Variants in MAST2 observed in about 807,000 individuals in gnomAD.
MAST2 encodes the protein microtubule-associated serine/threonine-protein kinase 2.
MAST2 carries 70 observed loss-of-function variants against 147.4 expected under a neutral mutation model. The observed-to-expected ratio is 0.47, with a 90% CI of 0.39 to 0.58. The LOEUF (loss-of-function observed/expected upper bound fraction) is 0.58, where lower values mean the gene tolerates loss of function less well. MAST2 is among the 20% of genes least tolerant of loss of function. The probability of loss-of-function intolerance (pLI) is 0.00; values close to 1 mark genes in which losing one functional copy is unlikely to be tolerated. For missense variants in MAST2, 2,080 were observed against 2,302.3 expected (o/e 0.90, Z 1.98); for synonymous variants, 869 against 896.8 (o/e 0.97, Z 0.55).
At chr1:46,000,939 T>C (rs1157463884) in intron 6 of MAST2, 25 of 1,288,644 alleles carry the variant, frequency 1.9e-5, no homozygotes, top group Non-Finnish European at 2.4e-5. Context: ...CTCACTATAA[T>C]GTGTATTTTT....
intron 4 of MAST2, among the ~76,000 whole-genome samples, chr1:45,918,680 C>T (rs915277431): frequency 6.6e-6 from 1 of 152,132 alleles, no homozygotes; most frequent in Non-Finnish European, 1.5e-5. Flanking sequence ...TCAGGTTATC[C>T]ACCCGCCTCG....
At chr1:46,000,367 A>G (rs1435035140) in intron 6 of MAST2, among the ~76,000 whole-genome samples, 1 of 152,190 alleles carries the variant, frequency 6.6e-6, no homozygotes, top group Non-Finnish European at 1.5e-5. Flanking sequence ...GAGAACCTCC[A>G]CTGGGTGGCT....
At chr1:46,026,813 A>G (rs1325404122) in intron 16 of MAST2, among the ~76,000 whole-genome samples, 1 of 152,176 alleles carries the variant, frequency 6.6e-6, no homozygotes, top group Non-Finnish European at 1.5e-5. Context: ...TGGCTTTGAC[A>G]TAAGACAGAC....
At position 46,031,842 on chromosome 1, in the gene MAST2, C is replaced by T. The variant is rs917868486; in HGVS notation, c.3187+257C>T. Among the ~76,000 whole-genome samples, 13 of 152,198 alleles carry T rather than the reference C, an allele frequency of 8.5e-5. No homozygotes were observed. The highest frequency in any genetic ancestry group is 4.4e-5 in the Non-Finnish European group (3 of 68,030). On this transcript the variant is annotated intron_variant, in intron 24 of 28. Coordinates refer to ENST00000361297, the MANE Select transcript of MAST2 (RefSeq NM_015112.3). The surrounding 1 kb of genome is among the most constrained non-coding windows in gnomAD (Gnocchi z 4.1). ...GGCTCCATCACTAACAGGCTCTTGA[C>T]CTTGAGCAAGTTGCTTAACTTCTCT...
chr1:45,884,409 G>A (rs940997707), intron 4 of MAST2, among the ~76,000 whole-genome samples: 14 of 152,164 alleles, frequency 9.2e-5, no homozygotes, highest in Admixed American at 3.9e-4. Flanking sequence ...AAAATTAGCC[G>A]GGCGTCATGG....
chr1:45,892,592 A>G (rs901446260), intron 4 of MAST2, among the ~76,000 whole-genome samples: 3 of 152,188 alleles, frequency 2.0e-5, no homozygotes, highest in African/African-American at 7.2e-5. Flanking sequence ...AAGCAATGCT[A>G]TTGGAAGCCT....
At chr1:45,947,268 GCC>G (rs1207803287) in intron 4 of MAST2, among the ~76,000 whole-genome samples, 7 of 147,714 alleles carry the variant, frequency 4.7e-5, no homozygotes, top group Admixed American at 2.7e-4. Context: ...ATTGTCTTGG[GCC>G]ACACACAGAA....
intron 1 of MAST2, among the ~76,000 whole-genome samples, chr1:45,808,674 G>A (rs1644208955): frequency 6.6e-6 from 1 of 152,054 alleles, no homozygotes; most frequent in African/African-American, 2.4e-5. Context: ...TATCTTAACT[G>A]TATTTACTCA....
intron 4 of MAST2, among the ~76,000 whole-genome samples, chr1:45,898,733 C>T (rs188446548): frequency 5.9e-5 from 9 of 152,286 alleles, no homozygotes; most frequent in Admixed American, 5.9e-4. Context: ...AGAAACAGAA[C>T]AGTTCTTTCT....
At chr1:45,931,247 T>G (rs1655237191) in intron 4 of MAST2, among the ~76,000 whole-genome samples, 1 of 152,228 alleles carries the variant, frequency 6.6e-6, no homozygotes, top group South Asian at 2.1e-4. Flanking sequence ...ACCTCAATAC[T>G]TTTGAAGATT....
At chr1:45,937,304 C>CT (rs1270851245) in intron 4 of MAST2, among the ~76,000 whole-genome samples, 11 of 150,548 alleles carry the variant, frequency 7.3e-5, no homozygotes, top group African/African-American at 2.2e-4. Context: ...TTGTTCATTA[C>CT]TTTTTTTTTC....
chr1:46,012,892 C>T (rs779970726), intron 10 of MAST2, among the ~76,000 whole-genome samples: 2 of 151,920 alleles, frequency 1.3e-5, no homozygotes, highest in Admixed American at 6.6e-5. Context: ...CTCAAGTGAT[C>T]GCCCTGCCTC....
intron 3 of MAST2, among the ~76,000 whole-genome samples, chr1:45,869,035 T>G (rs1473594143): frequency 6.6e-6 from 1 of 152,232 alleles, no homozygotes; most frequent in Non-Finnish European, 1.5e-5. Context: ...TTCTTTGCCC[T>G]GACTCATGTA....
chr1:46,001,420 A>G (rs912301383), intron 6 of MAST2, among the ~76,000 whole-genome samples: 10 of 152,220 alleles, frequency 6.6e-5, no homozygotes, highest in Non-Finnish European at 1.3e-4. Context: ...CACATGTACA[A>G]AAGTGTATTT....
intron 3 of MAST2, among the ~76,000 whole-genome samples, chr1:45,837,512 A>G (rs1221553523): frequency 1.3e-5 from 2 of 152,272 alleles, no homozygotes; most frequent in East Asian, 3.9e-4. Flanking sequence ...TCCATTCCCT[A>G]GTTAATGACC....
chr1:46,029,860 T>C lies in MAST2; in HGVS notation c.2350T>C (p.Phe784Leu). The C allele has an allele frequency of 6.2e-7, 1 of 1,614,184 alleles. No homozygotes were observed. Among genetic ancestry groups the C allele is most frequent in the Non-Finnish European group, 8.5e-7 (1 of 1,180,024 alleles). Residue 784 changes from phenylalanine to leucine, a missense_variant, in exon 20 of 29, where the codon TTC becomes CTC. Phe to Leu is a conservative substitution (Grantham distance 22). This residue lies in a region of MAST2 where 209 missense variants were observed against 309.5 expected (regional missense o/e 0.68). Coordinates refer to ENST00000361297, the MANE Select transcript of MAST2 (RefSeq NM_015112.3). ...TGCCTATGAGGTGAAGCAGCACCCATTCTTTACTGGTCTGGACTGGACAGG... is the reference window on the plus strand; with the variant it reads ...TGCCTATGAGGTGAAGCAGCACCCACTCTTTACTGGTCTGGACTGGACAGG... ...GSAYEVKQHP[F>L]FTGLDWTGLL...
chr1:45,901,387 T>C (rs1649735897), intron 4 of MAST2, among the ~76,000 whole-genome samples: 1 of 152,186 alleles, frequency 6.6e-6, no homozygotes, highest in South Asian at 2.1e-4. Flanking sequence ...AGTACCATGA[T>C]GTTTTGGTGA....
chr1:45,832,668 G>A (rs1033077561), intron 3 of MAST2, among the ~76,000 whole-genome samples: 4 of 152,198 alleles, frequency 2.6e-5, no homozygotes, highest in African/African-American at 9.7e-5. Context: ...TGATACAGCT[G>A]AATATTCCAC....
chr1:45,858,383 A>G (rs1478011015), intron 3 of MAST2, among the ~76,000 whole-genome samples: 2 of 151,782 alleles, frequency 1.3e-5, no homozygotes, highest in African/African-American at 2.4e-5. Context: ...GCATTTTTTC[A>G]TGTGTCTGTT....
Sources: allele counts gnomAD v4.1 joint callset (sites outside exome capture counted in the v4.1 genomes callset), GRCh38; gene constraint gnomAD v4.1.1; regional missense constraint gnomAD v4.1.1; non-coding constraint Gnocchi (gnomAD v3.1); transcripts MANE v1.5; gene names NCBI Gene and HGNC (gene_info 2026-07-23, HGNC 2026-07-21).